EPB41L5: variants seen among roughly 807,000 people sequenced by gnomAD.
The protein encoded by EPB41L5 is erythrocyte membrane protein band 4.1 like 5, also known as band 4.1-like protein 5.
EPB41L5 carries 55 observed loss-of-function variants against 106.6 expected under a neutral mutation model. The ratio of observed to expected loss-of-function variants is 0.52; its 90% CI spans 0.42 to 0.65. The LOEUF (loss-of-function observed/expected upper bound fraction) is 0.65. EPB41L5 is among the 30% of genes least tolerant of loss of function. EPB41L5 has a pLI of 0.00. For missense variants in EPB41L5, 871 were observed against 882.1 expected (o/e 0.99, Z 0.16); for synonymous variants, 297 against 306.7 (o/e 0.97, Z 0.33).
chr2:120,027,900 C>G (rs950455197), intron 2 of EPB41L5, among the ~76,000 whole-genome samples: 1 of 151,976 alleles, frequency 6.6e-6, no homozygotes, highest in Non-Finnish European at 1.5e-5. Flanking sequence ...GAGTTTCACT[C>G]TTGTTAGGCT....
intron 3 of EPB41L5, among the ~76,000 whole-genome samples, chr2:120,062,951 T>C (rs1440880802): frequency 1.3e-5 from 2 of 152,148 alleles, no homozygotes; most frequent in African/African-American, 4.8e-5. Flanking sequence ...TACTGGGTTC[T>C]AAAAATGTGT....
At chr2:120,149,318 C>T (rs1308696088) in intron 20 of EPB41L5, among the ~76,000 whole-genome samples, 1 of 152,160 alleles carries the variant, frequency 6.6e-6, no homozygotes, top group African/African-American at 2.4e-5. Context: ...CCATCAGTAA[C>T]AAATTTCAGA....
intron 20 of EPB41L5, among the ~76,000 whole-genome samples, chr2:120,152,005 G>T (rs1212688653): frequency 6.6e-6 from 1 of 152,100 alleles, no homozygotes; most frequent in Non-Finnish European, 1.5e-5. Context: ...TTCCAGTTGG[G>T]AAGTTTTTAT....
chr2:120,014,237 T>TA (rs1274080653), intron 1 of EPB41L5, among the ~76,000 whole-genome samples: 1 of 152,242 alleles, frequency 6.6e-6, no homozygotes, highest in Non-Finnish European at 1.5e-5. Context: ...GGGTTTTGGG[T>TA]ACTTTTTTTA....
chr2:120,030,693 A>G (rs1678647329), intron 2 of EPB41L5, among the ~76,000 whole-genome samples: 1 of 151,240 alleles, frequency 6.6e-6, no homozygotes, highest in African/African-American at 2.4e-5. Context: ...AGCTAGGATT[A>G]CAGGCACATG....
intron 1 of EPB41L5, chr2:120,013,541 G>C (rs1323936646): frequency 6.6e-6 from 1 of 152,244 alleles, no homozygotes; most frequent in East Asian, 1.9e-4. Context: ...TCGCTGGTCC[G>C]CTGGGCTGCC....
chr2:120,045,773 G>T (rs1353737643), intron 3 of EPB41L5, among the ~76,000 whole-genome samples: 1 of 151,974 alleles, frequency 6.6e-6, no homozygotes, highest in Admixed American at 6.6e-5. Context: ...CCATAAACTT[G>T]TCATTTACAT....
chr2:120,084,107 G>A (rs1431441021), intron 10 of EPB41L5, among the ~76,000 whole-genome samples: 4 of 152,068 alleles, frequency 2.6e-5, no homozygotes, highest in African/African-American at 7.2e-5. Context: ...TACATTTAAG[G>A]TTAATATTGT....
chr2:120,079,544 C>T (rs1405166651), intron 10 of EPB41L5, among the ~76,000 whole-genome samples: 1 of 152,150 alleles, frequency 6.6e-6, no homozygotes, highest in Non-Finnish European at 1.5e-5. Context: ...TGGAAGGTCA[C>T]CTGCTATGAA....
At chr2:120,125,171 A>G (rs1395606667) in intron 16 of EPB41L5, among the ~76,000 whole-genome samples, 2 of 152,224 alleles carry the variant, frequency 1.3e-5, no homozygotes, top group Admixed American at 6.5e-5. Context: ...CCCACCATCA[A>G]AAGAAATAAT....
chr2:120,171,989 T>A (rs1370034186), intron 24 of EPB41L5, among the ~76,000 whole-genome samples: 1 of 148,126 alleles, frequency 6.8e-6, no homozygotes, highest in African/African-American at 2.5e-5. Flanking sequence ...ACTGTATCCA[T>A]GCAACAATAA....
chr2:120,078,382 G>A (rs11677907), intron 9 of EPB41L5, 111 bp from the exon 10 acceptor site: 190 of 514,358 alleles, frequency 3.7e-4, no homozygotes, highest in Non-Finnish European at 5.8e-4. Flanking sequence ...ATTAATATTA[G>A]CCTGTATATA....
chr2:120,173,198 C>T (rs944079623), intron 24 of EPB41L5, among the ~76,000 whole-genome samples: 2 of 152,148 alleles, frequency 1.3e-5, no homozygotes, highest in African/African-American at 4.8e-5. Context: ...ATAATTACAA[C>T]AAACACTGAA....
At chr2:120,145,408 T>C (rs955485244) in intron 19 of EPB41L5, among the ~76,000 whole-genome samples, 1 of 152,136 alleles carries the variant, frequency 6.6e-6, no homozygotes, top group African/African-American at 2.4e-5. Context: ...CTCAAAGACA[T>C]CTCCATGCTG....
Position 120,091,969 on chromosome 2 carries a change from A to G in EPB41L5, c.1150+308A>G, listed in dbSNP as rs73952024. ...CTTTTTGACTTACAGATCTCATTCT[A>G]AAACATCCCTTAATCCCCTTAGGAA... On this transcript the variant is annotated intron_variant, in intron 13 of 24. Transcript: ENST00000263713. Among the ~76,000 whole-genome samples the G allele has an allele frequency of 5.1e-3, 781 of 152,200 alleles. 4 individuals are homozygous for G. Among genetic ancestry groups the G allele is most frequent in the African/African-American group, 0.018 (752 of 41,542 alleles).
intron 17 of EPB41L5, among the ~76,000 whole-genome samples, chr2:120,129,886 C>A (rs1685619307): frequency 6.6e-6 from 1 of 152,186 alleles, no homozygotes; most frequent in African/African-American, 2.4e-5. Flanking sequence ...TGGCTCACGC[C>A]TGTAATCCCA....
At chr2:120,166,910 A>C (rs1056504272) in intron 22 of EPB41L5, among the ~76,000 whole-genome samples, 1 of 152,236 alleles carries the variant, frequency 6.6e-6, no homozygotes, top group Non-Finnish European at 1.5e-5. Context: ...AGAAAGTTAA[A>C]CATATAAAAA....
chr2:120,164,980 G>GT (rs1687326538), intron 22 of EPB41L5, 70 bp downstream of exon 22: 2 of 1,184,122 alleles, frequency 1.7e-6, no homozygotes, highest in Non-Finnish European at 2.4e-6. Context: ...CTAGATTCCA[G>GT]TTTTTTCCTT....
At chr2:120,072,497 A>G (rs897092593) in intron 3 of EPB41L5, among the ~76,000 whole-genome samples, 1 of 152,202 alleles carries the variant, frequency 6.6e-6, no homozygotes, top group Non-Finnish European at 1.5e-5. Flanking sequence ...TTATTGCAGC[A>G]CTGTTCACAA....
Sources: gnomAD v4.1 joint callset for allele counts (sites outside exome capture counted in the v4.1 genomes callset) on GRCh38, gnomAD v4.1.1 for gene constraint, MANE v1.5 for transcripts, NCBI Gene and HGNC (gene_info 2026-07-23, HGNC 2026-07-21) for gene names.